Variants in DNM1L observed in about 807,000 individuals in gnomAD.
DNM1L encodes the protein dynamin 1L.
A neutral mutation model predicts 92.8 loss-of-function variants in DNM1L; 33 were observed. The ratio of observed to expected loss-of-function variants is 0.36; its 90% CI spans 0.27 to 0.48. The LOEUF (loss-of-function observed/expected upper bound fraction) is 0.48, where lower values mean the gene tolerates loss of function less well. DNM1L is among the 20% of genes least tolerant of loss of function. The probability of loss-of-function intolerance (pLI) is 0.99; values close to 1 mark genes in which losing one functional copy is unlikely to be tolerated. For synonymous variants in DNM1L, 284 were observed against 305.0 expected, an observed-to-expected ratio of 0.93 and a Z score of 0.72; for missense variants, 485 against 888.8, an observed-to-expected ratio of 0.55 and a Z score of 5.78.
At position 32,745,609 on chromosome 12, in the gene DNM1L, C is replaced by T. The variant is rs886692704; in HGVS notation, c.*2199C>T. On this transcript the variant is annotated 3_prime_UTR_variant, in exon 20 of 20. Coordinates refer to ENST00000549701, the MANE Select transcript of DNM1L (RefSeq NM_012062.5). The stretch of plus-strand genomic sequence containing the variant: ...CCCAGAGAAAGGGAGACAAAAGGAG[C>T]TTTTTAATACCTAATCTACTTTGGA... 11 of 152,280 alleles carry T rather than the reference C, an allele frequency of 7.2e-5. No homozygotes were observed. Among genetic ancestry groups the T allele is most frequent in the African/African-American group, 2.7e-4 (11 of 41,418 alleles). The allele number at this position is 152,280 out of a possible 1,614,324, so 9.4% of individuals were successfully genotyped here.
intron 1 of DNM1L, among the ~76,000 whole-genome samples, chr12:32,681,816 C>T (rs1041225636): frequency 6.6e-6 from 1 of 151,872 alleles, no homozygotes; most frequent in East Asian, 1.9e-4. Flanking sequence ...GTATACCTAT[C>T]GGCAGTAATT....
Position 32,745,027 on chromosome 12 carries a change from G to A in DNM1L, c.*1617G>A, listed in dbSNP as rs776113136. On this transcript the variant is annotated 3_prime_UTR_variant, in exon 20 of 20. Coordinates refer to ENST00000549701, the MANE Select transcript of DNM1L (RefSeq NM_012062.5). ...ATGAATATGTTAACTTTAGCTTATG[G>A]CATCAATTTACTAAGGAACAACAGG... 1.9e-6 allele frequency: 1 copy of A among 513,452 alleles called. No homozygotes were observed. Among genetic ancestry groups the A allele is most frequent in the Non-Finnish European group, 3.9e-6 (1 of 258,384 alleles). 31.8% of individuals were successfully genotyped at this position (513,452 alleles called of 1,614,324 possible).
intron 1 of DNM1L, among the ~76,000 whole-genome samples, chr12:32,680,151 A>G (rs1256801016): frequency 6.6e-6 from 1 of 152,030 alleles, no homozygotes; most frequent in African/African-American, 2.4e-5. Context: ...TGTCTTCCAC[A>G]GTTTTGTGAT....
At chr12:32,701,103 C>T (rs1295666304) in intron 1 of DNM1L, among the ~76,000 whole-genome samples, 10 of 152,026 alleles carry the variant, frequency 6.6e-5, no homozygotes, top group Admixed American at 3.9e-4. Context: ...GGAGAAACCC[C>T]GTCTCTACTA....
intron 13 of DNM1L, among the ~76,000 whole-genome samples, chr12:32,735,584 T>G (rs1023061696): frequency 2.0e-5 from 3 of 152,176 alleles, no homozygotes; most frequent in Admixed American, 6.5e-5. Context: ...TTATTACACA[T>G]GAAACATCAC....
chr12:32,706,116 AATAAG>A, intron 2 of DNM1L: 1 of 377,714 alleles, frequency 2.6e-6, no homozygotes, highest in Non-Finnish European at 4.7e-6. Flanking sequence ...TTTTAAATAT[AATAAG>A]ATAAATTAGA....
chr12:32,733,836 C>A, intron 13 of DNM1L, 29 bp downstream of exon 13: 2 of 1,587,402 alleles, frequency 1.3e-6, no homozygotes, highest in Non-Finnish European at 1.7e-6. Context: ...TGCTTTTTCA[C>A]AGGTAGAAAA....
chr12:32,687,595 A>G (rs1952069552), intron 1 of DNM1L, among the ~76,000 whole-genome samples: 3 of 152,072 alleles, frequency 2.0e-5, no homozygotes, highest in African/African-American at 4.8e-5. Flanking sequence ...GTCACCTGCC[A>G]TCACGCCGGG....
intron 1 of DNM1L, among the ~76,000 whole-genome samples, chr12:32,688,496 C>T (rs573857081): frequency 2.0e-4 from 31 of 152,300 alleles, no homozygotes; most frequent in Admixed American, 9.8e-4. Context: ...GCTGCTGTGG[C>T]CCCTATGGTT....
Position 32,743,514 on chromosome 12 carries a change from A to G in DNM1L, c.*104A>G, listed in dbSNP as rs1955461760. 1.8e-6 allele frequency: 2 copies of G among 1,112,592 alleles called. No individual in the cohort carries two copies. Among genetic ancestry groups the G allele is most frequent in the Admixed American group, 1.9e-5 (1 of 54,018 alleles). The allele number at this position is 1,112,592 out of a possible 1,614,324, so 68.9% of individuals were successfully genotyped here. On this transcript the variant is annotated 3_prime_UTR_variant, in exon 20 of 20. Coordinates refer to ENST00000549701, the MANE Select transcript of DNM1L (RefSeq NM_012062.5). ...AACTCCTGTGTATTGCAATGGTATGAATCTGCTCATGTGGAGACTGGCTAT... is the reference window on the plus strand; with the variant it reads ...AACTCCTGTGTATTGCAATGGTATGGATCTGCTCATGTGGAGACTGGCTAT...
chr12:32,710,734 AGTAGG>A (rs1278324744), intron 4 of DNM1L, among the ~76,000 whole-genome samples, 190 bp from the exon 5 acceptor site: 1 of 152,186 alleles, frequency 6.6e-6, no homozygotes, highest in Non-Finnish European at 1.5e-5. Context: ...CAGGGATAGA[AGTAGG>A]ATTATAACCT....
chr12:32,686,571 C>G (rs1203898028), intron 1 of DNM1L, among the ~76,000 whole-genome samples: 1 of 152,106 alleles, frequency 6.6e-6, no homozygotes, highest in Admixed American at 6.6e-5. Flanking sequence ...TTGTTTCTGC[C>G]TTTTAGCTGT....
At chr12:32,729,458 ATTACT>A (rs1275662200) in intron 9 of DNM1L, among the ~76,000 whole-genome samples, 3 of 151,918 alleles carry the variant, frequency 2.0e-5, no homozygotes, top group Non-Finnish European at 4.4e-5. Context: ...TAATTAATTA[ATTACT>A]TTATTACTTT....
intron 9 of DNM1L, chr12:32,726,641 AG>A: frequency 1.2e-6 from 1 of 801,600 alleles, no homozygotes; most frequent in Non-Finnish European, 2.1e-6. Context: ...CAGGAACTTC[AG>A]GAGGGGCAAG....
intron 13 of DNM1L, among the ~76,000 whole-genome samples, chr12:32,735,937 C>G (rs1954841509): frequency 6.6e-6 from 1 of 151,950 alleles, no homozygotes. Context: ...GCAAGTTGGA[C>G]TGTGTTCATG....
In DNM1L at chr12:32,684,911, A is replaced by AT. The variant is rs371901343; in HGVS notation, c.102+5448dup. ...TATGAATAAATAATGCTCTGCGAAC[A>AT]TTCGTTTACAAGTTTTTGTGTGAAT... On this transcript the variant is annotated intron_variant, in intron 1 of 19. Coordinates refer to ENST00000549701, the MANE Select transcript of DNM1L (RefSeq NM_012062.5). Among the ~76,000 whole-genome samples, 185 of 151,000 alleles carry AT rather than the reference A, an allele frequency of 1.2e-3. 1 individual carries two copies. Among genetic ancestry groups the AT allele is most frequent in the African/African-American group, 4.4e-3 (179 of 41,136 alleles).
intron 6 of DNM1L, among the ~76,000 whole-genome samples, chr12:32,717,820 AAT>A (rs1394485132): frequency 6.8e-5 from 6 of 87,734 alleles, no homozygotes; most frequent in African/African-American, 2.8e-4. Flanking sequence ...TATACTATAA[AAT>A]ATATATAGTA....
intron 4 of DNM1L, among the ~76,000 whole-genome samples, chr12:32,708,811 A>G (rs962424483): frequency 3.3e-5 from 5 of 152,080 alleles, no homozygotes; most frequent in Admixed American, 6.5e-5. Flanking sequence ...ACTAGGTACT[A>G]TCACTGCCTT....
At chr12:32,717,644 C>T (rs1387119402) in intron 6 of DNM1L, among the ~76,000 whole-genome samples, 1 of 84,544 alleles carries the variant, frequency 1.2e-5, no homozygotes, top group Admixed American at 1.9e-4. Flanking sequence ...ATACATATAC[C>T]TAGGTAGATA....
Sources: gnomAD v4.1 joint callset for allele counts (sites outside exome capture counted in the v4.1 genomes callset) on GRCh38, gnomAD v4.1.1 for gene constraint, MANE v1.5 for transcripts, NCBI Gene and HGNC (gene_info 2026-07-23, HGNC 2026-07-21) for gene names.